The following SPPL2A variants were observed in gnomAD, a reference collection of about 807,000 sequenced individuals.
The protein encoded by SPPL2A is signal peptide peptidase like 2A.
Under a neutral mutation model 63.8 loss-of-function variants are expected in SPPL2A, and 51 were observed. The ratio of observed to expected loss-of-function variants is 0.80; its 90% CI spans 0.64 to 1.01. The LOEUF (loss-of-function observed/expected upper bound fraction) is 1.01, where lower values mean the gene tolerates loss of function less well. SPPL2A is among the 50% of genes least tolerant of loss of function. The probability of loss-of-function intolerance (pLI) is 0.00; values close to 1 mark genes in which losing one functional copy is unlikely to be tolerated. For missense variants in SPPL2A, 553 were observed against 622.7 expected, an observed-to-expected ratio of 0.89 and a Z score of 1.19; for synonymous variants, 188 against 205.8, an observed-to-expected ratio of 0.91 and a Z score of 0.74.
intron 1 of SPPL2A, among the ~76,000 whole-genome samples, chr15:50,758,299 A>AG (rs975072188): frequency 6.6e-6 from 1 of 151,058 alleles, no homozygotes; most frequent in African/African-American, 2.4e-5. Flanking sequence ...AAAAAAAAAA[A>AG]AAGAACAATT....
At chr15:50,760,293 C>T (rs1445983151) in intron 1 of SPPL2A, among the ~76,000 whole-genome samples, 1 of 151,666 alleles carries the variant, frequency 6.6e-6, no homozygotes, top group Non-Finnish European at 1.5e-5. Context: ...GACAGTCTTG[C>T]TCTGTCGCCC....
At chr15:50,730,713 T>C (rs186579623) in intron 10 of SPPL2A, among the ~76,000 whole-genome samples, 4 of 152,290 alleles carry the variant, frequency 2.6e-5, no homozygotes, top group Non-Finnish European at 4.4e-5. Flanking sequence ...ATTTAGCTCA[T>C]AAGAAAAAAT....
At chr15:50,711,543 A>C (rs1443434089) in intron 14 of SPPL2A, among the ~76,000 whole-genome samples, 2 of 152,124 alleles carry the variant, frequency 1.3e-5, no homozygotes, top group Non-Finnish European at 2.9e-5. Context: ...AACCCTATAG[A>C]AACATTACTT....
rs200824200 is a variant in SPPL2A, at chr15:50,713,557, G to GC, written c.1489-5684dup. ...TGGGATTACAGGAGTGAGCCACCGC[G>GC]CCCAGCATTTCCTGAGTATTTTTTT... On this transcript the variant is annotated intron_variant, in intron 14 of 14. Transcript: ENST00000261854. Among the ~76,000 whole-genome samples the GC allele has an allele frequency of 1.3e-4, 20 of 151,706 alleles. No homozygotes were observed. The East Asian group carries it at 1.9e-3, about 15-fold the overall frequency.
chr15:50,732,568 T>G, intron 9 of SPPL2A, 35 bp downstream of exon 9: 1 of 1,308,224 alleles, frequency 7.6e-7, no homozygotes, highest in Non-Finnish European at 1.1e-6. Context: ...TTTAAAAATT[T>G]ATTTTAACTA....
rs190495948 is a variant in SPPL2A, at chr15:50,721,154, C to T, written c.1327+970G>A. On this transcript the variant is annotated intron_variant, in intron 13 of 14. Coordinates refer to ENST00000261854, the MANE Select transcript of SPPL2A (RefSeq NM_032802.4). The stretch of plus-strand genomic sequence containing the variant: ...GTTCAAGCAATTTTCTTGCCTCAGC[C>T]TCCCGAGTAGCTGGGAATACAGGTG... 1.6e-3 allele frequency among the ~76,000 whole-genome samples: 242 copies of T among 152,188 alleles called. 2 individuals carry two copies. The highest frequency in any genetic ancestry group is 5.4e-3 in the African/African-American group (226 of 41,528).
At chr15:50,761,408 T>C (rs1596402053) in intron 1 of SPPL2A, among the ~76,000 whole-genome samples, 1 of 151,918 alleles carries the variant, frequency 6.6e-6, no homozygotes, top group East Asian at 1.9e-4. Context: ...CTGAGGTCAG[T>C]AGTTCGAGAG....
At chr15:50,725,163 T>C (rs1278296710) in intron 12 of SPPL2A, 58 bp downstream of exon 12, 5 of 1,020,502 alleles carry the variant, frequency 4.9e-6, no homozygotes, top group African/African-American at 3.2e-5. Context: ...TCTATACATA[T>C]GACGATTTAA....
At chr15:50,720,235 T>C in intron 13 of SPPL2A, 135 bp from the exon 14 acceptor site, 1 of 632,632 alleles carries the variant, frequency 1.6e-6, no homozygotes, top group Non-Finnish European at 2.6e-6. Flanking sequence ...AATTTCATCA[T>C]TTTCCTAGAT....
chr15:50,735,378 ACTCT>A (rs746400607), intron 8 of SPPL2A, among the ~76,000 whole-genome samples: 9 of 150,122 alleles, frequency 6.0e-5, no homozygotes, highest in Non-Finnish European at 5.9e-5. Flanking sequence ...TTGTTTCTGC[ACTCT>A]CTCTCTCTTT....
intron 14 of SPPL2A, among the ~76,000 whole-genome samples, chr15:50,718,649 T>C (rs2062619206): frequency 6.6e-6 from 1 of 151,996 alleles, no homozygotes; most frequent in Non-Finnish European, 1.5e-5. Flanking sequence ...AAGACAGGTA[T>C]TATTAGCTTA....
At chr15:50,758,205 C>T (rs1198747456) in intron 1 of SPPL2A, among the ~76,000 whole-genome samples, 1 of 144,294 alleles carries the variant, frequency 6.9e-6, no homozygotes, top group Non-Finnish European at 1.5e-5. Context: ...AGGAGAATGG[C>T]GTGAACCTGG....
chr15:50,744,300 A>G (rs1320130394), intron 5 of SPPL2A, among the ~76,000 whole-genome samples: 1 of 152,216 alleles, frequency 6.6e-6, no homozygotes, highest in East Asian at 1.9e-4. Context: ...TTAAAGCTCA[A>G]TGCTCCAGGA....
chr15:50,719,298 G>A (rs1303814754), intron 14 of SPPL2A, among the ~76,000 whole-genome samples: 2 of 152,092 alleles, frequency 1.3e-5, no homozygotes, highest in Non-Finnish European at 2.9e-5. Context: ...AGGCTGGAGT[G>A]CAATGGCGTA....
chr15:50,764,711 T>C (rs1282541247), intron 1 of SPPL2A: 3 of 152,168 alleles, frequency 2.0e-5, no homozygotes, highest in Non-Finnish European at 2.9e-5. Flanking sequence ...CTCGAATTAC[T>C]TGAGGCTGAA....
chr15:50,730,919 C>A (rs779288041), intron 10 of SPPL2A, 46 bp downstream of exon 10: 106 of 787,214 alleles, frequency 1.3e-4, no homozygotes, highest in Non-Finnish European at 2.0e-4. Flanking sequence ...TTAAGATGAT[C>A]ATTTTTTAGC....
rs1215176495 is a variant in SPPL2A at position 50,707,541 on chromosome 15, T to A, written c.*259A>T. ...AGGGGTGGGTCAAGGCATTTTTTTT[T>A]AGAAAAATATACTGTATATAGTACA... On this transcript the variant is annotated 3_prime_UTR_variant, in exon 15 of 15. Transcript: ENST00000261854. 1 of 317,520 alleles carries A rather than the reference T, an allele frequency of 3.1e-6. No homozygotes were observed. The highest frequency in any genetic ancestry group is 5.7e-6 in the Non-Finnish European group (1 of 175,316). 19.7% of individuals were successfully genotyped at this position (317,520 alleles called of 1,614,324 possible).
At chr15:50,717,807 T>C (rs1213674952) in intron 14 of SPPL2A, among the ~76,000 whole-genome samples, 1 of 152,114 alleles carries the variant, frequency 6.6e-6, no homozygotes, top group Non-Finnish European at 1.5e-5. Context: ...AAATTTAATA[T>C]TCTTTAGAAA....
intron 7 of SPPL2A, 49 bp from the exon 8 acceptor site, chr15:50,736,251 C>A: frequency 1.9e-6 from 2 of 1,074,664 alleles, no homozygotes; most frequent in Non-Finnish European, 2.9e-6. Context: ...GTACAATGTT[C>A]ACTTGATATA....
Sources: gnomAD v4.1 joint callset for allele counts (sites outside exome capture counted in the v4.1 genomes callset) on GRCh38, gnomAD v4.1.1 for gene constraint, MANE v1.5 for transcripts, NCBI Gene and HGNC (gene_info 2026-07-23, HGNC 2026-07-21) for gene names.